The following BTBD9 variants were observed in gnomAD, a reference collection of about 807,000 sequenced individuals.
BTBD9 encodes BTB domain containing 9.
A neutral mutation model predicts 64.3 loss-of-function variants in BTBD9; 49 were observed. The ratio of observed to expected loss-of-function variants is 0.76; its 90% CI spans 0.61 to 0.97. The LOEUF is 0.97. Ranked by LOEUF, BTBD9 falls within the 50% of genes least tolerant of loss-of-function variation. The pLI, the probability that BTBD9 is intolerant of heterozygous loss-of-function variation, is 0.00. For missense variants in BTBD9, 598 were observed against 762.1 expected (o/e 0.78, Z 2.53); for synonymous variants, 260 against 274.7 (o/e 0.95, Z 0.53).
At chr6:38,287,821 T>C (rs1761804912) in intron 8 of BTBD9, among the ~76,000 whole-genome samples, 1 of 152,172 alleles carries the variant, frequency 6.6e-6, no homozygotes, top group Non-Finnish European at 1.5e-5. Flanking sequence ...GTTCCCTTCT[T>C]AAAACAAAAA....
At chr6:38,506,469 G>A (rs1030455577) in intron 6 of BTBD9, among the ~76,000 whole-genome samples, 1 of 152,206 alleles carries the variant, frequency 6.6e-6, no homozygotes, top group Non-Finnish European at 1.5e-5. Flanking sequence ...TGCAGGGCTT[G>A]CTGCCACTGC....
At chr6:38,367,713 A>G (rs1314609643) in intron 6 of BTBD9, among the ~76,000 whole-genome samples, 2 of 149,072 alleles carry the variant, frequency 1.3e-5, no homozygotes, top group East Asian at 4.3e-4. Flanking sequence ...ATTGTGCAAG[A>G]CTGATTTTAA....
intron 1 of BTBD9, among the ~76,000 whole-genome samples, chr6:38,619,334 AAAAG>A: frequency 6.6e-6 from 1 of 152,322 alleles, no homozygotes; most frequent in South Asian, 2.1e-4. Context: ...AAAGCAAAAT[AAAAG>A]AAAGGCCACA....
intron 5 of BTBD9, among the ~76,000 whole-genome samples, chr6:38,579,061 G>A (rs1776178863): frequency 6.6e-6 from 1 of 152,170 alleles, no homozygotes. Context: ...AATGAGATAT[G>A]TGGATTGGCT....
chr6:38,313,819 G>T (rs1325139642), intron 7 of BTBD9, among the ~76,000 whole-genome samples: 1 of 140,894 alleles, frequency 7.1e-6, no homozygotes, highest in Non-Finnish European at 1.5e-5. Flanking sequence ...GCGTCATCTT[G>T]GCTCACTGCA....
At chr6:38,369,579 T>C (rs993879816) in intron 6 of BTBD9, among the ~76,000 whole-genome samples, 4 of 152,238 alleles carry the variant, frequency 2.6e-5, no homozygotes, top group African/African-American at 2.4e-5. Context: ...GTGATTGCTC[T>C]CGTGAACAAA....
At chr6:38,536,387 T>C (rs1435346599) in intron 6 of BTBD9, among the ~76,000 whole-genome samples, 1 of 152,122 alleles carries the variant, frequency 6.6e-6, no homozygotes, top group African/African-American at 2.4e-5. Flanking sequence ...GAAATGTACA[T>C]TAGTACAAAC....
Position 38,180,359 on chromosome 6 carries a change from G to A in BTBD9, c.1642-5177C>T, listed in dbSNP as rs190628719. On this transcript the variant is annotated intron_variant, in intron 10 of 10. Transcript: ENST00000481247. ...GAGAGGAGTGTGAGGGAAGGGAGGC[G>A]GCAGTGCTTTTTATACACAGGAGCT... 2.5e-3 allele frequency among the ~76,000 whole-genome samples: 382 copies of A among 152,306 alleles called. 4 individuals carry two copies. The highest frequency in any genetic ancestry group is 0.022 in the Admixed American group (334 of 15,302).
chr6:38,456,237 C>T (rs12524209), intron 6 of BTBD9, among the ~76,000 whole-genome samples: 9,485 of 152,192 alleles, frequency 0.062, 568 homozygotes, highest in African/African-American at 0.14. Context: ...ATCCACCTGC[C>T]TCAGCCTTCC....
rs138150418 is a variant in BTBD9, at chr6:38,578,529, G to A, written c.1035-810C>T. Among the ~76,000 whole-genome samples the A allele has an allele frequency of 2.8e-3, 430 of 152,220 alleles. 5 individuals are homozygous for A. Among genetic ancestry groups the A allele is most frequent in the African/African-American group, 9.3e-3 (386 of 41,536 alleles). ...TTGGAAGATTTAGGTGACCATAAATGTCATCCTGCAACCCACAGTTGTGAC... is the reference window on the plus strand; with the variant it reads ...TTGGAAGATTTAGGTGACCATAAATATCATCCTGCAACCCACAGTTGTGAC... On this transcript the variant is annotated intron_variant, in intron 5 of 10. Transcript: ENST00000481247.
At position 38,169,867 on chromosome 6, in the gene BTBD9, C is replaced by T. The variant is rs1374349566; in HGVS notation, c.*5118G>A. 6.7e-6 allele frequency: 1 copy of T among 149,940 alleles called. No individual in the cohort carries two copies. Among genetic ancestry groups the T allele is most frequent in the Non-Finnish European group, 1.5e-5 (1 of 67,530 alleles). 9.3% of individuals were successfully genotyped at this position (149,940 alleles called of 1,614,324 possible). Reference sequence around the variant, plus strand: ...GGTGGATGATTGTGAGTCTTCAGGCCATGAGGCCTCTTGGGGACTATTTCA... The same window carrying T: ...GGTGGATGATTGTGAGTCTTCAGGCTATGAGGCCTCTTGGGGACTATTTCA... On this transcript the variant is annotated 3_prime_UTR_variant, in exon 11 of 11. Transcript: ENST00000481247.
At position 38,587,484 on chromosome 6, in the gene BTBD9, T is replaced by C. The variant is rs572896149; in HGVS notation, c.814+5092A>G. 22 of 551,198 alleles carry C rather than the reference T, an allele frequency of 4.0e-5. No individual in the cohort carries two copies. In the African/African-American group the frequency reaches 4.0e-4, roughly 10 times the overall value. The allele number at this position is 551,198 out of a possible 1,614,324, so 34.1% of individuals were successfully genotyped here. On this transcript the variant is annotated intron_variant, in intron 4 of 10. Coordinates refer to ENST00000481247, the MANE Select transcript of BTBD9 (RefSeq NM_001099272.2). ...TCAGGGGAAAACTTCTGCGTAATGTTGAAGTAACAATAAAGTATAAAGATG... is the reference window on the plus strand; with the variant it reads ...TCAGGGGAAAACTTCTGCGTAATGTCGAAGTAACAATAAAGTATAAAGATG...
At chr6:38,231,964 T>A (rs1297113783) in intron 9 of BTBD9, among the ~76,000 whole-genome samples, 3 of 152,040 alleles carry the variant, frequency 2.0e-5, no homozygotes, top group Non-Finnish European at 4.4e-5. Flanking sequence ...GGACAGGAAA[T>A]AGGAGAGAAG....
intron 10 of BTBD9, among the ~76,000 whole-genome samples, chr6:38,177,417 T>A (rs1204010448): frequency 6.6e-6 from 1 of 152,200 alleles, no homozygotes; most frequent in Non-Finnish European, 1.5e-5. Context: ...CTTCTACTGA[T>A]CTGTCAGCTC....
At chr6:38,574,251 A>C (rs1224747428) in intron 6 of BTBD9, among the ~76,000 whole-genome samples, 1 of 152,188 alleles carries the variant, frequency 6.6e-6, no homozygotes, top group Non-Finnish European at 1.5e-5. Flanking sequence ...AACATCGACT[A>C]TCTTGGTGAG....
intron 6 of BTBD9, among the ~76,000 whole-genome samples, chr6:38,512,011 T>C (rs1331818178): frequency 6.6e-6 from 1 of 152,200 alleles, no homozygotes; most frequent in Non-Finnish European, 1.5e-5. Flanking sequence ...TTCACTCTTG[T>C]TGCCCAGGCT....
At chr6:38,355,444 T>C (rs12661843) in intron 6 of BTBD9, among the ~76,000 whole-genome samples, 26,663 of 152,148 alleles carry the variant, frequency 0.18, 2,464 homozygotes, top group Non-Finnish European at 0.2. Flanking sequence ...CCAAAGCTTC[T>C]TGAGAGTTTT....
At chr6:38,293,618 C>T (rs931451501) in intron 7 of BTBD9, among the ~76,000 whole-genome samples, 2 of 152,118 alleles carry the variant, frequency 1.3e-5, no homozygotes, top group South Asian at 2.1e-4. Flanking sequence ...TAGCCACATG[C>T]AGAAAACTGA....
intron 6 of BTBD9, among the ~76,000 whole-genome samples, chr6:38,422,274 A>G (rs757932311): frequency 2.3e-4 from 35 of 152,210 alleles, no homozygotes; most frequent in Admixed American, 7.2e-4. Flanking sequence ...GGAATAACTT[A>G]GCAAGCTACT....
Sources: allele counts gnomAD v4.1 joint callset (sites outside exome capture counted in the v4.1 genomes callset), GRCh38; gene constraint gnomAD v4.1.1; transcripts MANE v1.5; gene names NCBI Gene and HGNC (gene_info 2026-07-23, HGNC 2026-07-21).